The following C10orf67 variants were observed in gnomAD, a reference collection of about 807,000 sequenced individuals.
C10orf67 encodes the protein uncharacterized protein C10orf67, mitochondrial.
Under a neutral mutation model 35.6 loss-of-function variants are expected in C10orf67, and 60 were observed. The observed-to-expected ratio is 1.68, with a 90% CI of 1.37 to 2.09. The LOEUF is 2.09. C10orf67 is among the 30% of genes most tolerant of loss of function. C10orf67 has a pLI of 0.00. For missense variants in C10orf67, 474 were observed against 330.2 expected, an observed-to-expected ratio of 1.44 and a Z score of -3.38; for synonymous variants, 167 against 115.8, an observed-to-expected ratio of 1.44 and a Z score of -2.84.
intron 10 of C10orf67, among the ~76,000 whole-genome samples, chr10:23,260,751 T>G (rs968090756): frequency 6.6e-6 from 1 of 152,192 alleles, no homozygotes; most frequent in African/African-American, 2.4e-5. Flanking sequence ...AGTGGCTTCT[T>G]ATTGACCTCT....
At position 23,272,678 on chromosome 10, in the gene C10orf67, T is replaced by C. The variant is rs138436409; in HGVS notation, c.976-5424A>G. On this transcript the variant is annotated intron_variant, in intron 8 of 15. Coordinates refer to ENST00000636213, the MANE Select transcript of C10orf67 (RefSeq NM_001371909.1). ...TTTTAGCTATCCCAGGTCTTGTGCA[T>C]GTCTATATAAATTTTAGGATAGGCT... Among the ~76,000 whole-genome samples, 816 of 152,298 alleles carry C rather than the reference T, an allele frequency of 5.4e-3. 10 individuals carry two copies. Among genetic ancestry groups the C allele is most frequent in the African/African-American group, 0.019 (779 of 41,558 alleles).
intron 4 of C10orf67, chr10:23,318,992 C>A: frequency 1.4e-6 from 1 of 723,426 alleles, no homozygotes; most frequent in Admixed American, 2.0e-5. Flanking sequence ...TCCATGAGAA[C>A]CCTTTTTTTT....
chr10:23,258,740 T>C (rs1411943165), intron 10 of C10orf67, among the ~76,000 whole-genome samples: 1 of 152,196 alleles, frequency 6.6e-6, no homozygotes, highest in East Asian at 1.9e-4. Flanking sequence ...TGGTCTATTT[T>C]TCATCTCCTG....
chr10:23,320,879 A>C, intron 3 of C10orf67, 64 bp from the exon 4 acceptor site: 1 of 1,072,240 alleles, frequency 9.3e-7, no homozygotes, highest in Non-Finnish European at 1.4e-6. Context: ...CACACCTACT[A>C]GGGAGGGACT....
chr10:23,253,495 G>A (rs1037725139), intron 10 of C10orf67, among the ~76,000 whole-genome samples: 3 of 152,040 alleles, frequency 2.0e-5, no homozygotes, highest in African/African-American at 7.2e-5. Flanking sequence ...CCCAGGGTCA[G>A]GGAGAACACT....
intron 6 of C10orf67, 115 bp from the exon 7 acceptor site, chr10:23,290,073 G>A (rs1843674178): frequency 1.6e-6 from 1 of 639,234 alleles, no homozygotes; most frequent in Non-Finnish European, 2.8e-6. Context: ...TGGACACAAG[G>A]CCTAGCAGGA....
chr10:23,330,393 G>A (rs952829477), intron 2 of C10orf67, among the ~76,000 whole-genome samples: 7 of 152,126 alleles, frequency 4.6e-5, no homozygotes, highest in African/African-American at 1.7e-4. Context: ...AGCCCAGGAA[G>A]TCAAGGCTGT....
At chr10:23,241,742 T>C (rs1053808697) in intron 12 of C10orf67, among the ~76,000 whole-genome samples, 2 of 152,018 alleles carry the variant, frequency 1.3e-5, no homozygotes, top group Admixed American at 1.3e-4. Flanking sequence ...CATGGAAAGA[T>C]AATAGCTAAG....
intron 8 of C10orf67, among the ~76,000 whole-genome samples, chr10:23,269,970 C>T (rs1842974557): frequency 6.6e-6 from 1 of 151,962 alleles, no homozygotes; most frequent in East Asian, 1.9e-4. Flanking sequence ...CATATAGATG[C>T]CCTGAATAAC....
intron 1 of C10orf67, among the ~76,000 whole-genome samples, chr10:23,333,412 C>T (rs1385912243): frequency 6.6e-6 from 1 of 152,108 alleles, no homozygotes; most frequent in African/African-American, 2.4e-5. Context: ...ATCTGATTTC[C>T]ACTTTTCTGA....
intron 5 of C10orf67, among the ~76,000 whole-genome samples, chr10:23,291,545 G>C (rs1287011225): frequency 1.3e-5 from 2 of 152,154 alleles, no homozygotes; most frequent in Admixed American, 6.5e-5. Flanking sequence ...CATCATTCAG[G>C]TCAATTCATT....
At chr10:23,315,742 T>C (rs1844680391) in intron 4 of C10orf67, among the ~76,000 whole-genome samples, 1 of 152,120 alleles carries the variant, frequency 6.6e-6, no homozygotes, top group Non-Finnish European at 1.5e-5. Flanking sequence ...CAAAAGCATG[T>C]TTTTAAAAAC....
At chr10:23,242,684 T>C (rs1564468531) in intron 12 of C10orf67, among the ~76,000 whole-genome samples, 1 of 152,122 alleles carries the variant, frequency 6.6e-6, no homozygotes, top group Non-Finnish European at 1.5e-5. Context: ...GTATCAACAG[T>C]AATTTCTAAA....
intron 4 of C10orf67, among the ~76,000 whole-genome samples, chr10:23,312,190 C>T (rs1422460721): frequency 1.3e-5 from 2 of 152,066 alleles, no homozygotes; most frequent in Non-Finnish European, 2.9e-5. Context: ...TTAGTACTTC[C>T]GTAAGACAAA....
intron 7 of C10orf67, among the ~76,000 whole-genome samples, chr10:23,287,181 A>G (rs934632309): frequency 1.3e-5 from 2 of 152,218 alleles, no homozygotes; most frequent in Non-Finnish European, 2.9e-5. Context: ...AATCCTAAGC[A>G]AAAAGAACAA....
chr10:23,287,541 A>G (rs1473717237), intron 7 of C10orf67, among the ~76,000 whole-genome samples: 2 of 152,232 alleles, frequency 1.3e-5, no homozygotes, highest in African/African-American at 2.4e-5. Flanking sequence ...AACCTAGGCA[A>G]TACCATTCAG....
intron 10 of C10orf67, among the ~76,000 whole-genome samples, chr10:23,262,853 C>T (rs1481367732): frequency 6.6e-6 from 1 of 152,108 alleles, no homozygotes; most frequent in East Asian, 1.9e-4. Context: ...TTCAATTTTG[C>T]TCTCTGAGAG....
intron 13 of C10orf67, among the ~76,000 whole-genome samples, chr10:23,224,201 A>T (rs1000858369): frequency 6.6e-6 from 1 of 152,224 alleles, no homozygotes; most frequent in African/African-American, 2.4e-5. Context: ...ACGATCAGGC[A>T]GTAACATTTG....
rs114366947 is a variant in C10orf67 at position 23,321,431 on chromosome 10, C to T, written c.472-616G>A. On this transcript the variant is annotated intron_variant, in intron 3 of 15. Coordinates refer to ENST00000636213, the MANE Select transcript of C10orf67 (RefSeq NM_001371909.1). ...ATTGCTTTGTTGCCCAGGCTGATCTCGAACTCCTGGGCTCAGACTATCCTC... is the reference window on the plus strand; with the variant it reads ...ATTGCTTTGTTGCCCAGGCTGATCTTGAACTCCTGGGCTCAGACTATCCTC... Among the ~76,000 whole-genome samples, 682 of 152,280 alleles carry T rather than the reference C, an allele frequency of 4.5e-3. 6 individuals carry two copies. Among genetic ancestry groups the T allele is most frequent in the African/African-American group, 0.016 (647 of 41,574 alleles).
Sources: gnomAD v4.1 joint callset for allele counts (sites outside exome capture counted in the v4.1 genomes callset) on GRCh38, gnomAD v4.1.1 for gene constraint, MANE v1.5 for transcripts, NCBI Gene and HGNC (gene_info 2026-07-23, HGNC 2026-07-21) for gene names.